Variants in LRRFIP2 observed in about 807,000 individuals in gnomAD.
LRRFIP2 encodes LRR binding FLII interacting protein 2.
Under a neutral mutation model 125.9 loss-of-function variants are expected in LRRFIP2, and 109 were observed. That is an observed-to-expected ratio of 0.87 (90% CI 0.74 to 1.01). The LOEUF (loss-of-function observed/expected upper bound fraction) is 1.01. LRRFIP2 is among the 50% of genes least tolerant of loss of function. The pLI, the probability that LRRFIP2 is intolerant of heterozygous loss-of-function variation, is 0.00. For missense variants in LRRFIP2, 850 were observed against 862.3 expected (o/e 0.99, Z 0.18); for synonymous variants, 291 against 293.1 (o/e 0.99, Z 0.07).
At chr3:37,088,924 G>A (rs933642469) in intron 18 of LRRFIP2, among the ~76,000 whole-genome samples, 4 of 151,950 alleles carry the variant, frequency 2.6e-5, no homozygotes, top group East Asian at 1.9e-4. Flanking sequence ...CCTTGACCAC[G>A]CGCCCTCCAG....
intron 21 of LRRFIP2, chr3:37,066,679 A>C (rs193117442): frequency 1.4e-3 from 257 of 181,394 alleles, no homozygotes; most frequent in Non-Finnish European, 2.7e-3. Flanking sequence ...CTGACTGCCT[A>C]AGTGCATTTT....
At position 37,053,694 on chromosome 3, in the gene LRRFIP2, A is replaced by G; in HGVS notation, c.*157T>C. ...CAAAGTGTTCATTCATGTAGATTCA[A>G]AATGACTTCATTCTGTCATAAATTA... On this transcript the variant is annotated 3_prime_UTR_variant, in exon 28 of 28. Transcript: ENST00000336686. The G allele has an allele frequency of 1.7e-6, 1 of 604,440 alleles. No homozygotes were observed. The highest frequency in any genetic ancestry group is 3.0e-6 in the Non-Finnish European group (1 of 333,594). 37.4% of individuals were successfully genotyped at this position (604,440 alleles called of 1,614,324 possible). A position where few individuals can be genotyped will look rare whatever the true frequency, so the allele number is the denominator to read the frequency against.
At chr3:37,080,838 A>C (rs11707197) in intron 19 of LRRFIP2, among the ~76,000 whole-genome samples, 53,373 of 152,074 alleles carry the variant, frequency 0.35, 10,549 homozygotes, top group Non-Finnish European at 0.45. Flanking sequence ...CTAAGGTGTG[A>C]AACTTACCTG....
intron 2 of LRRFIP2, among the ~76,000 whole-genome samples, chr3:37,134,205 G>C (rs2095500683): frequency 1.3e-5 from 2 of 150,610 alleles, no homozygotes; most frequent in African/African-American, 4.9e-5. Flanking sequence ...AAAAGACAGT[G>C]AAAATCATGG....
intron 4 of LRRFIP2, among the ~76,000 whole-genome samples, chr3:37,122,277 A>T (rs1003838261): frequency 1.3e-5 from 2 of 151,552 alleles, no homozygotes; most frequent in Non-Finnish European, 2.9e-5. Context: ...ATAGTATTCC[A>T]TGGTGTGTAT....
chr3:37,103,042 T>C (rs2149337257), intron 14 of LRRFIP2, 29 bp from the exon 15 acceptor site: 2 of 1,505,590 alleles, frequency 1.3e-6, no homozygotes, highest in East Asian at 4.9e-5. Context: ...ACAAGATGCT[T>C]TCAAGGTTAA....
intron 1 of LRRFIP2, 62 bp from the exon 2 acceptor site, chr3:37,149,100 A>T: frequency 7.2e-7 from 1 of 1,381,326 alleles, no homozygotes; most frequent in Non-Finnish European, 9.7e-7. Flanking sequence ...ATGCTCATTT[A>T]TATATTCACT....
chr3:37,113,886 G>T (rs1011531822), intron 7 of LRRFIP2, among the ~76,000 whole-genome samples: 1 of 152,098 alleles, frequency 6.6e-6, no homozygotes. Flanking sequence ...TTTCCTAGGA[G>T]TACACAGCCA....
In LRRFIP2 at chr3:37,122,534, A is replaced by T. The variant is rs56022721; in HGVS notation, c.229-843T>A. On this transcript the variant is annotated intron_variant, in intron 4 of 27. Transcript: ENST00000336686. ...GTTTATGCAGGTAGGAAGAAGTGTT[A>T]ACATTATCACTGATGTATTTTAAGA... 7.0e-3 allele frequency among the ~76,000 whole-genome samples: 1,072 copies of T among 152,326 alleles called. 8 individuals carry two copies. Among genetic ancestry groups the T allele is most frequent in the African/African-American group, 0.024 (982 of 41,560 alleles).
chr3:37,113,258 C>A (rs921422764), intron 7 of LRRFIP2, among the ~76,000 whole-genome samples: 1 of 152,146 alleles, frequency 6.6e-6, no homozygotes, highest in Admixed American at 6.5e-5. Context: ...AAGAACCAGG[C>A]AGAATATTTG....
At chr3:37,074,448 A>G (rs1156583457) in intron 20 of LRRFIP2, among the ~76,000 whole-genome samples, 1 of 152,186 alleles carries the variant, frequency 6.6e-6, no homozygotes, top group Admixed American at 6.5e-5. Context: ...GATGCATGCA[A>G]TGTAGCAGGC....
At chr3:37,084,945 C>T (rs2092934610) in intron 18 of LRRFIP2, among the ~76,000 whole-genome samples, 1 of 152,016 alleles carries the variant, frequency 6.6e-6, no homozygotes, top group African/African-American at 2.4e-5. Context: ...TGAAATGGAA[C>T]TAACAGCCCA....
At position 37,148,893 on chromosome 3, in the gene LRRFIP2, C is replaced by T. The variant is rs386352387; in HGVS notation, c.90+1G>A. 2.5e-6 allele frequency: 4 copies of T among 1,613,862 alleles called. No homozygotes were observed. In the Admixed American group the frequency reaches 5.0e-5, roughly 20 times the overall value. Reference sequence around the variant, plus strand: ...GTTGAGAGGGGATTTACCAAACATACCTCTCTGGCAATGTTACTCAAAGCT... The same window carrying T: ...GTTGAGAGGGGATTTACCAAACATATCTCTCTGGCAATGTTACTCAAAGCT... On this transcript the variant is annotated splice_donor_variant, in intron 2 of 27. Coordinates refer to ENST00000336686, the MANE Select transcript of LRRFIP2 (RefSeq NM_006309.4). LOFTEE classifies it high-confidence loss of function.
At chr3:37,150,912 G>C (rs1195827043) in intron 1 of LRRFIP2, among the ~76,000 whole-genome samples, 1 of 152,138 alleles carries the variant, frequency 6.6e-6, no homozygotes, top group African/African-American at 2.4e-5. Context: ...CTCCAATAAA[G>C]ATTCAGGACA....
At chr3:37,128,249 C>T (rs1049944041) in intron 3 of LRRFIP2, among the ~76,000 whole-genome samples, 1 of 152,100 alleles carries the variant, frequency 6.6e-6, no homozygotes, top group East Asian at 1.9e-4. Flanking sequence ...GAAAATTCAC[C>T]ACCAAAATCA....
At chr3:37,162,320 T>G (rs1299517415) in intron 1 of LRRFIP2, among the ~76,000 whole-genome samples, 1 of 152,136 alleles carries the variant, frequency 6.6e-6, no homozygotes, top group African/African-American at 2.4e-5. Flanking sequence ...TAGTGAATTT[T>G]AAACAATGAG....
At chr3:37,098,123 T>C (rs950433330) in intron 15 of LRRFIP2, among the ~76,000 whole-genome samples, 2 of 152,198 alleles carry the variant, frequency 1.3e-5, no homozygotes, top group African/African-American at 2.4e-5. Flanking sequence ...ATTATGATGA[T>C]AGTATTACAT....
At chr3:37,057,179 C>T (rs975026872) in intron 25 of LRRFIP2, among the ~76,000 whole-genome samples, 8 of 152,294 alleles carry the variant, frequency 5.3e-5, no homozygotes, top group African/African-American at 1.7e-4. Flanking sequence ...AGCTATACAA[C>T]AACCTACCTA....
intron 13 of LRRFIP2, among the ~76,000 whole-genome samples, chr3:37,107,743 A>T (rs2094396251): frequency 6.6e-6 from 1 of 152,236 alleles, no homozygotes; most frequent in African/African-American, 2.4e-5. Context: ...AAAGATAGAA[A>T]GGAGAAACAC....
Sources: allele counts gnomAD v4.1 joint callset (sites outside exome capture counted in the v4.1 genomes callset), GRCh38; gene constraint gnomAD v4.1.1; transcripts MANE v1.5; gene names NCBI Gene and HGNC (gene_info 2026-07-23, HGNC 2026-07-21).